Variants in DIAPH3 observed in about 807,000 individuals in gnomAD.
The protein encoded by DIAPH3 is protein diaphanous homolog 3.
Under a neutral mutation model 144.3 loss-of-function variants are expected in DIAPH3, and 117 were observed. The ratio of observed to expected loss-of-function variants is 0.81; its 90% confidence interval spans 0.70 to 0.95. DIAPH3 has a LOEUF of 0.95. Ranked by LOEUF, DIAPH3 falls within the 40% of genes least tolerant of loss-of-function variation. DIAPH3 has a pLI of 0.00. For synonymous variants in DIAPH3, 519 were observed against 488.9 expected, an observed-to-expected ratio of 1.06 and a Z score of -0.81; for missense variants, 1,421 against 1,412.7, an observed-to-expected ratio of 1.01 and a Z score of -0.09.
At chr13:59,796,211 T>C (rs1417106098) in intron 25 of DIAPH3, among the ~76,000 whole-genome samples, 23 of 152,214 alleles carry the variant, frequency 1.5e-4, no homozygotes. Context: ...ATGCTAGTCA[T>C]TTCTAATGAC....
chr13:59,802,517 C>T (rs2039958696), intron 25 of DIAPH3, among the ~76,000 whole-genome samples: 1 of 147,282 alleles, frequency 6.8e-6, no homozygotes, highest in African/African-American at 2.5e-5. Context: ...TCAACACAGA[C>T]TGGTCATTTT....
intron 24 of DIAPH3, among the ~76,000 whole-genome samples, chr13:59,820,741 T>G (rs948402241): frequency 6.7e-5 from 10 of 150,092 alleles, no homozygotes; most frequent in Non-Finnish European, 1.5e-4. Context: ...AAACAAAATA[T>G]AAAAATGATA....
chr13:59,833,301 T>C, intron 23 of DIAPH3, 30 bp from the exon 24 acceptor site: 1 of 1,564,282 alleles, frequency 6.4e-7, no homozygotes, highest in Non-Finnish European at 8.8e-7. Flanking sequence ...TTCTGAAATT[T>C]ACAAAGTAAT....
At chr13:59,796,842 C>T (rs1049786673) in intron 25 of DIAPH3, among the ~76,000 whole-genome samples, 2 of 152,124 alleles carry the variant, frequency 1.3e-5, no homozygotes, top group African/African-American at 2.4e-5. Flanking sequence ...TGTCATAGAA[C>T]AAGTGAGTGG....
At chr13:59,788,051 AT>A (rs1166510096) in intron 25 of DIAPH3, among the ~76,000 whole-genome samples, 1 of 152,176 alleles carries the variant, frequency 6.6e-6, no homozygotes, top group Admixed American at 6.5e-5. Flanking sequence ...AGTTTATGAT[AT>A]TTTTTATAGC....
At chr13:60,156,544 T>C (rs945892939) in intron 1 of DIAPH3, among the ~76,000 whole-genome samples, 3 of 152,106 alleles carry the variant, frequency 2.0e-5, no homozygotes, top group Non-Finnish European at 4.4e-5. Context: ...AAAGTTTATC[T>C]GGGCTTGGTG....
rs575719664 is a variant in DIAPH3 at position 60,136,844 on chromosome 13, A to G, written c.181-3855T>C. 1.4e-3 allele frequency among the ~76,000 whole-genome samples: 209 copies of G among 152,032 alleles called. 2 individuals carry two copies. In the South Asian group the frequency reaches 0.029, roughly 21 times the overall value. ...AGTCCCAGCTACTCGGGAGGCTGAG[A>G]CAGGAGAATGGCGTGAACCCGGGAG... On this transcript the variant is annotated intron_variant, in intron 1 of 27. Coordinates refer to ENST00000400324, the MANE Select transcript of DIAPH3 (RefSeq NM_001042517.2).
At chr13:59,688,201 T>C (rs1489378818) in intron 27 of DIAPH3, among the ~76,000 whole-genome samples, 1 of 152,060 alleles carries the variant, frequency 6.6e-6, no homozygotes, top group African/African-American at 2.4e-5. Context: ...TTGTTGTCTT[T>C]TTCTCAGCTT....
At position 59,829,827 on chromosome 13, in the gene DIAPH3, G is replaced by C. The variant is rs1055562652; in HGVS notation, c.3027+3280C>G. ...TAAGTACAGTGGTCTGAACTTGAGA[G>C]AAAACATTGCATGGAAAACTGCCAA... is the stretch of plus-strand genomic sequence containing the variant. On this transcript the variant is annotated intron_variant, in intron 24 of 27. Transcript: ENST00000400324. 3.9e-5 allele frequency among the ~76,000 whole-genome samples: 6 copies of C among 152,006 alleles called. No individual in the cohort carries two copies. In the South Asian group the frequency reaches 1.0e-3, roughly 26 times the overall value.
intron 11 of DIAPH3, 119 bp from the exon 12 acceptor site, chr13:59,991,393 A>T (rs532451791): frequency 1.3e-6 from 1 of 741,336 alleles, no homozygotes; most frequent in East Asian, 2.5e-5. Flanking sequence ...TATATATTCA[A>T]CATAAAATAC....
intron 9 of DIAPH3, among the ~76,000 whole-genome samples, chr13:60,004,790 A>T (rs2052753974): frequency 6.6e-6 from 1 of 152,316 alleles, no homozygotes; most frequent in African/African-American, 2.4e-5. Context: ...ACTACTACTA[A>T]CTGTAACAGA....
intron 1 of DIAPH3, among the ~76,000 whole-genome samples, chr13:60,162,805 T>TCACA (rs1377370526): frequency 3.8e-4 from 52 of 136,536 alleles, no homozygotes; most frequent in East Asian, 3.2e-3. Context: ...TCTCTCTCTC[T>TCACA]CTCTCACACA....
Position 59,711,012 on chromosome 13 carries a change from T to C in DIAPH3, c.3320-44166A>G, listed in dbSNP as rs367945622. Among the ~76,000 whole-genome samples, 14 of 152,358 alleles carry C rather than the reference T, an allele frequency of 9.2e-5. No homozygotes were observed. In the East Asian group the frequency reaches 2.7e-3, roughly 29 times the overall value. On this transcript the variant is annotated intron_variant, in intron 27 of 27. Transcript: ENST00000400324. ...CTGGCCAAGAAGCGAGGCTTTACCT[T>C]GCTCTTTAAAGTACATGCAAGTGAG...
intron 4 of DIAPH3, among the ~76,000 whole-genome samples, chr13:60,083,239 T>C (rs2057624343): frequency 6.6e-6 from 1 of 152,062 alleles, no homozygotes; most frequent in South Asian, 2.1e-4. Context: ...TTAAAAATGA[T>C]TGATCATCTT....
chr13:59,723,805 G>C (rs1484096507), intron 27 of DIAPH3, among the ~76,000 whole-genome samples: 1 of 150,954 alleles, frequency 6.6e-6, no homozygotes, highest in Non-Finnish European at 1.5e-5. Flanking sequence ...AGTAGAGATG[G>C]GGTTTCACTA....
intron 1 of DIAPH3, 132 bp downstream of exon 1, chr13:60,163,450 GTTGTC>G: frequency 8.1e-7 from 1 of 1,232,874 alleles, no homozygotes; most frequent in Non-Finnish European, 1.1e-6. Context: ...AGACCCGGTC[GTTGTC>G]AATCTATGAT....
rs541900010 is a variant in DIAPH3 at position 59,714,217 on chromosome 13, G to T, written c.3320-47371C>A. 2.6e-5 allele frequency among the ~76,000 whole-genome samples: 4 copies of T among 151,572 alleles called. No homozygotes were observed. The South Asian group carries it at 8.5e-4, about 32-fold the overall frequency. ...CTACTAAAAATACAAAAAATTAGCCGGGCGTAGTGGCGGGCGCCTGTAGTC... is the reference window on the plus strand; with the variant it reads ...CTACTAAAAATACAAAAAATTAGCCTGGCGTAGTGGCGGGCGCCTGTAGTC... On this transcript the variant is annotated intron_variant, in intron 27 of 27. Coordinates refer to ENST00000400324, the MANE Select transcript of DIAPH3 (RefSeq NM_001042517.2).
At chr13:59,882,922 C>G (rs546067111) in intron 20 of DIAPH3, among the ~76,000 whole-genome samples, 33 of 152,092 alleles carry the variant, frequency 2.2e-4, no homozygotes, top group African/African-American at 7.5e-4. Context: ...GTAACCCCCC[C>G]ACACACAGAT....
chr13:59,910,482 C>A (rs567250274), intron 20 of DIAPH3, among the ~76,000 whole-genome samples: 17 of 152,154 alleles, frequency 1.1e-4, no homozygotes, highest in Admixed American at 1.0e-3. Flanking sequence ...AATCCCAGAA[C>A]TTTGGGAGGC....
Sources: gnomAD v4.1 joint callset for allele counts (sites outside exome capture counted in the v4.1 genomes callset) on GRCh38, gnomAD v4.1.1 for gene constraint, MANE v1.5 for transcripts, NCBI Gene and HGNC (gene_info 2026-07-23, HGNC 2026-07-21) for gene names.